Variants in ANKFN1 observed in about 807,000 individuals in gnomAD.
ANKFN1 encodes ankyrin repeat and fibronectin type III domain containing 1.
A neutral mutation model predicts 108.7 loss-of-function variants in ANKFN1; 74 were observed. The observed-to-expected ratio is 0.68, with a 90% CI of 0.56 to 0.83. ANKFN1 has a LOEUF of 0.83. Among genes scored for constraint, ANKFN1 ranks in the 40% least tolerant of loss-of-function variants. The pLI is 0.00. For missense variants in ANKFN1, 1,505 were observed against 1,382.3 expected, an observed-to-expected ratio of 1.09 and a Z score of -1.41; for synonymous variants, 547 against 516.2, an observed-to-expected ratio of 1.06 and a Z score of -0.81.
intron 4 of ANKFN1, among the ~76,000 whole-genome samples, chr17:56,330,196 G>A (rs551493041): frequency 3.9e-5 from 6 of 152,276 alleles, no homozygotes; most frequent in South Asian, 2.1e-4. Flanking sequence ...AAGTAAAGAG[G>A]TTTAATGGAA....
intron 3 of ANKFN1, among the ~76,000 whole-genome samples, chr17:56,290,488 A>G (rs1422929886): frequency 2.6e-5 from 4 of 152,180 alleles, no homozygotes; most frequent in Non-Finnish European, 5.9e-5. Context: ...TCGAATCTAT[A>G]TATACCTTGA....
rs890240221 is a variant in ANKFN1, at chr17:56,378,245, G to T, written c.910+3531G>T. Among the ~76,000 whole-genome samples the T allele has an allele frequency of 3.3e-5, 5 of 152,032 alleles. No homozygotes were observed. In the South Asian group the frequency reaches 6.2e-4, roughly 19 times the overall value. On this transcript the variant is annotated intron_variant, in intron 8 of 20. Transcript: ENST00000682825. ...AAAAATTCCAGGGCGGTGTATGAGG[G>T]GACATTTCAGCTTCTAAGAAGGAGA...
intron 4 of ANKFN1, among the ~76,000 whole-genome samples, chr17:56,126,969 T>C (rs1906972824): frequency 6.6e-6 from 1 of 152,242 alleles, no homozygotes; most frequent in African/African-American, 2.4e-5. Flanking sequence ...CACAATGCCT[T>C]GGCATATCTA....
chr17:56,123,839 C>CACAG (rs1906767854), intron 4 of ANKFN1, among the ~76,000 whole-genome samples: 2 of 142,448 alleles, frequency 1.4e-5, no homozygotes, highest in East Asian at 2.1e-4. Context: ...GAGAGAGACA[C>CACAG]AGAGAGAGAG....
At chr17:56,094,639 G>A (rs1905489910) in intron 4 of ANKFN1, among the ~76,000 whole-genome samples, 1 of 147,446 alleles carries the variant, frequency 6.8e-6, no homozygotes, top group Non-Finnish European at 1.5e-5. Flanking sequence ...GTGTAGCTGG[G>A]ACTACAGGCG....
At chr17:56,421,606 C>T (rs189595951) in intron 8 of ANKFN1, among the ~76,000 whole-genome samples, 25 of 152,290 alleles carry the variant, frequency 1.6e-4, no homozygotes, top group African/African-American at 5.1e-4. Context: ...TGCATTAGTA[C>T]GCATACCCTG....
chr17:56,482,509 C>A lies in ANKFN1; in HGVS notation c.2245C>A (p.Gln749Lys). The change falls in exon 18 of 21, where the codon CAG (glutamine) becomes AAG (lysine). Residue 749 changes from glutamine (Q) to lysine (K), a missense_variant. Coordinates refer to ENST00000682825, the MANE Select transcript of ANKFN1 (RefSeq NM_001370326.1). ...CTCAGGGTTTCTTAACCTCCCTCTT[C>A]AGATGTTTGAACTTGGTATAGTAGC... ...PHSGFLNLPL[Q>K]MFELVHFCSY... 6.2e-7 allele frequency: 1 copy of A among 1,612,728 alleles called. No individual in the cohort carries two copies. Among genetic ancestry groups the A allele is most frequent in the Non-Finnish European group, 8.5e-7 (1 of 1,179,284 alleles).
chr17:56,351,404 T>C (rs569087096), intron 5 of ANKFN1, among the ~76,000 whole-genome samples: 6 of 150,064 alleles, frequency 4.0e-5, no homozygotes, highest in Admixed American at 3.3e-4. Flanking sequence ...TATTATATGA[T>C]AGACAAAGAG....
chr17:56,189,256 C>T (rs112441532), intron 1 of ANKFN1, among the ~76,000 whole-genome samples: 1 of 134,924 alleles, frequency 7.4e-6, no homozygotes, highest in Admixed American at 8.1e-5. Context: ...CTGCAAGCTC[C>T]GCCTCCCGGG....
chr17:56,107,839 A>G (rs913282873), intron 4 of ANKFN1, among the ~76,000 whole-genome samples: 1 of 152,102 alleles, frequency 6.6e-6, no homozygotes, highest in Non-Finnish European at 1.5e-5. Flanking sequence ...GCATTCCTAT[A>G]GCACCTTTTT....
In ANKFN1 at chr17:56,093,689, C is replaced by T. The variant is rs140835134; in HGVS notation, c.288+47364C>T. On this transcript the variant is annotated intron_variant, in intron 4 of 12. Transcript: ENST00000635860. ...CAAGTTTGCTTTCGCAAGTAAATGT[C>T]AAGCCCCAAGGTGAAGTTCCGTATT... 3.5e-3 allele frequency among the ~76,000 whole-genome samples: 535 copies of T among 151,518 alleles called. 14 individuals carry two copies. The highest frequency in any genetic ancestry group is 0.012 in the African/African-American group (510 of 41,344).
chr17:56,263,317 C>T (rs2043568492), intron 3 of ANKFN1, among the ~76,000 whole-genome samples: 1 of 152,146 alleles, frequency 6.6e-6, no homozygotes, highest in African/African-American at 2.4e-5. Context: ...TATATGGATT[C>T]AAAGTGAAAC....
At chr17:56,206,280 A>G (rs1914527174) in intron 1 of ANKFN1, among the ~76,000 whole-genome samples, 1 of 151,954 alleles carries the variant, frequency 6.6e-6, no homozygotes, top group Non-Finnish European at 1.5e-5. Context: ...CTTCTGCTTT[A>G]TTTTCCATTA....
chr17:56,211,686 T>A (rs57902701), intron 1 of ANKFN1, among the ~76,000 whole-genome samples: 47,645 of 152,104 alleles, frequency 0.31, 9,041 homozygotes, highest in East Asian at 0.51. Context: ...ATTTGTAGAT[T>A]GCTTTTGGCA....
At chr17:56,113,030 C>T (rs1352952159) in intron 4 of ANKFN1, among the ~76,000 whole-genome samples, 1 of 152,184 alleles carries the variant, frequency 6.6e-6, no homozygotes, top group Non-Finnish European at 1.5e-5. Flanking sequence ...GTATATGCAA[C>T]TTAAACTTTG....
At chr17:56,298,243 T>C (rs1361196919) in intron 3 of ANKFN1, among the ~76,000 whole-genome samples, 2 of 152,226 alleles carry the variant, frequency 1.3e-5, no homozygotes, top group East Asian at 1.9e-4. Context: ...CCAAAAGATA[T>C]AGTAGTTCTC....
chr17:56,199,653 C>T (rs1244071493), intron 1 of ANKFN1, among the ~76,000 whole-genome samples: 2 of 152,188 alleles, frequency 1.3e-5, no homozygotes, highest in African/African-American at 4.8e-5. Flanking sequence ...TTCTAACACT[C>T]ACCCCATGAA....
chr17:56,474,375 T>A (rs979128907), intron 15 of ANKFN1, among the ~76,000 whole-genome samples: 2 of 152,236 alleles, frequency 1.3e-5, no homozygotes, highest in African/African-American at 4.8e-5. Context: ...ATTGCTATAA[T>A]AAATTAAGGT....
intron 4 of ANKFN1, among the ~76,000 whole-genome samples, chr17:56,342,487 T>C (rs11871608): frequency 0.44 from 66,957 of 151,752 alleles, 16,140 homozygotes; most frequent in East Asian, 0.56. Flanking sequence ...GAGATTCTGG[T>C]ACATTGTATT....
Sources: allele counts gnomAD v4.1 joint callset (sites outside exome capture counted in the v4.1 genomes callset), GRCh38; gene constraint gnomAD v4.1.1; transcripts MANE v1.5; gene names NCBI Gene and HGNC (gene_info 2026-07-23, HGNC 2026-07-21).